MMD2: variants seen among roughly 807,000 people sequenced by gnomAD.
The protein encoded by MMD2 is monocyte to macrophage differentiation associated 2, also known as monocyte to macrophage differentiation factor 2.
Under a neutral mutation model 33.5 loss-of-function variants are expected in MMD2, and 30 were observed. The observed-to-expected ratio is 0.90, with a 90% CI of 0.67 to 1.22. MMD2 has a LOEUF of 1.22. Among genes scored for constraint, MMD2 ranks in the 50% most tolerant of loss-of-function variants. The pLI, the probability that MMD2 is intolerant of heterozygous loss-of-function variation, is 0.00. For synonymous variants in MMD2, 129 were observed against 123.0 expected, an observed-to-expected ratio of 1.05 and a Z score of -0.32; for missense variants, 364 against 325.4, an observed-to-expected ratio of 1.12 and a Z score of -0.91.
chr7:4,920,532 C>T (rs747831038), intron 2 of MMD2, among the ~76,000 whole-genome samples: 6 of 151,984 alleles, frequency 3.9e-5, no homozygotes, highest in Non-Finnish European at 8.8e-5. Context: ...TTCCCTCCCT[C>T]CCTCTCTCCT....
chr7:4,933,921 CTG>C (rs1411023875), intron 1 of MMD2, among the ~76,000 whole-genome samples: 1 of 148,690 alleles, frequency 6.7e-6, no homozygotes, highest in African/African-American at 2.5e-5. Flanking sequence ...GCATGAGACA[CTG>C]TGCCCGGCCA....
chr7:4,931,553 A>G (rs1785587718), intron 1 of MMD2, among the ~76,000 whole-genome samples: 1 of 151,956 alleles, frequency 6.6e-6, no homozygotes, highest in Non-Finnish European at 1.5e-5. Context: ...CCTGGGCTCC[A>G]CGGATCCTCC....
rs561176751 is a variant in MMD2, at chr7:4,939,337, A to G, written c.48-13805T>C. Among the ~76,000 whole-genome samples the G allele has an allele frequency of 1.1e-4, 17 of 152,236 alleles. No homozygotes were observed. In the South Asian group the frequency reaches 3.5e-3, roughly 32 times the overall value. On this transcript the variant is annotated intron_variant, in intron 1 of 6. Coordinates refer to ENST00000401401, the MANE Select transcript of MMD2 (RefSeq NM_198403.4). ...GAGGACTGCTTGAGGCCAGGAGTTCAAGACACGCCTGGGCAACATAGCAAG... is the reference window on the plus strand; with the variant it reads ...GAGGACTGCTTGAGGCCAGGAGTTCGAGACACGCCTGGGCAACATAGCAAG...
chr7:4,921,454 A>G (rs1785282144), intron 2 of MMD2, among the ~76,000 whole-genome samples: 1 of 151,888 alleles, frequency 6.6e-6, no homozygotes, highest in African/African-American at 2.4e-5. Flanking sequence ...CCCCGTCTCA[A>G]CTGAAAAATA....
At chr7:4,895,167 C>T in the MMD2 span, among the ~76,000 whole-genome samples, 1 of 151,554 alleles carries the variant, frequency 6.6e-6, no homozygotes, top group Non-Finnish European at 1.5e-5. Context: ...AACCTCCGCT[C>T]CCAGGTTCAG....
In MMD2 at chr7:4,939,745, T is replaced by TC. The variant is rs201501836; in HGVS notation, c.48-14214_48-14213insG. Among the ~76,000 whole-genome samples the TC allele has an allele frequency of 3.1e-3, 389 of 126,892 alleles. 2 individuals are homozygous for TC. Among genetic ancestry groups the TC allele is most frequent in the South Asian group, 9.6e-3 (39 of 4,048 alleles). 83.2% of individuals were successfully genotyped at this position (126,892 alleles called of 152,430 possible). ...CAATCTATTTCTTTCTTTCTTTCTT[T>TC]TTTTTTTTTTTTTGAGATGGAGTCC... On this transcript the variant is annotated intron_variant, in intron 1 of 6. Coordinates refer to ENST00000401401, the MANE Select transcript of MMD2 (RefSeq NM_198403.4).
chr7:4,931,927 C>G (rs932799909), intron 1 of MMD2, among the ~76,000 whole-genome samples: 5 of 152,178 alleles, frequency 3.3e-5, no homozygotes, highest in African/African-American at 9.7e-5. Context: ...CCAATTTACG[C>G]TTCCCACCAA....
intron 1 of MMD2, among the ~76,000 whole-genome samples, chr7:4,942,796 T>C (rs1005961972): frequency 6.6e-6 from 1 of 151,016 alleles, no homozygotes; most frequent in Non-Finnish European, 1.5e-5. Context: ...GTTTGTTTTT[T>C]AGTAGAGACA....
At chr7:4,951,389 G>A (rs908424566) in intron 1 of MMD2, among the ~76,000 whole-genome samples, 3 of 151,862 alleles carry the variant, frequency 2.0e-5, no homozygotes, top group Admixed American at 6.6e-5. Context: ...TCCTCTCCAC[G>A]CCCAGCCTGT....
At chr7:4,953,918 G>A (rs2115165023) in intron 1 of MMD2, among the ~76,000 whole-genome samples, 1 of 152,250 alleles carries the variant, frequency 6.6e-6, no homozygotes, top group South Asian at 2.1e-4. Context: ...GAGTGCAGTG[G>A]CACGATCATA....
intron 1 of MMD2, among the ~76,000 whole-genome samples, chr7:4,926,699 G>C (rs1424123587): frequency 6.6e-6 from 1 of 152,052 alleles, no homozygotes; most frequent in Non-Finnish European, 1.5e-5. Flanking sequence ...ATTTTTGCGA[G>C]ATTCATCCAC....
Position 4,906,128 on chromosome 7 carries a change from C to T in MMD2, c.*1268G>A, listed in dbSNP as rs1472264246. ...TGCCCACTCCACCCTGGTTGGGAGT[C>T]GCAGAATGAGGACCTCCTGACTTGA... is the stretch of plus-strand genomic sequence containing the variant. On this transcript the variant is annotated 3_prime_UTR_variant, in exon 7 of 7. Coordinates refer to ENST00000401401, the MANE Select transcript of MMD2 (RefSeq NM_198403.4). The T allele has an allele frequency of 1.0e-5, 2 of 190,892 alleles. No individual in the cohort carries two copies. The highest frequency in any genetic ancestry group is 2.1e-5 in the Non-Finnish European group (2 of 93,626). The allele number at this position is 190,892 out of a possible 1,614,324, so 11.8% of individuals were successfully genotyped here. A position where few individuals can be genotyped will look rare whatever the true frequency, so the allele number is the denominator to read the frequency against.
intron 3 of MMD2, 23 bp from the exon 4 acceptor site, chr7:4,916,102 A>G: frequency 6.2e-7 from 1 of 1,611,734 alleles, no homozygotes; most frequent in South Asian, 1.1e-5. Flanking sequence ...AGAAGCCGGC[A>G]GTCACAGCCC....
chr7:4,950,718 T>G (rs1786218633), intron 1 of MMD2, among the ~76,000 whole-genome samples: 1 of 151,660 alleles, frequency 6.6e-6, no homozygotes, highest in Non-Finnish European at 1.5e-5. Context: ...CCTTCTTTTT[T>G]TTTTTTTTTT....
At chr7:4,922,946 C>A (rs1284644576) in intron 2 of MMD2, among the ~76,000 whole-genome samples, 1 of 152,166 alleles carries the variant, frequency 6.6e-6, no homozygotes, top group Non-Finnish European at 1.5e-5. Context: ...CAGCAGGGGC[C>A]TGGTACCTGT....
intron 1 of MMD2, among the ~76,000 whole-genome samples, chr7:4,942,801 G>C (rs1380090952): frequency 6.6e-6 from 1 of 151,288 alleles, no homozygotes; most frequent in Non-Finnish European, 1.5e-5. Context: ...TTTTTTAGTA[G>C]AGACAGGGTT....
the MMD2 span, among the ~76,000 whole-genome samples, chr7:4,899,224 A>G: frequency 6.6e-6 from 1 of 152,122 alleles, no homozygotes; most frequent in African/African-American, 2.4e-5. Context: ...CAGAACCGTG[A>G]GAAATAAATT....
At position 4,906,388 on chromosome 7, in the gene MMD2, C is replaced by T. The variant is rs1467502083; in HGVS notation, c.*1008G>A. On this transcript the variant is annotated 3_prime_UTR_variant, in exon 7 of 7. Coordinates refer to ENST00000401401, the MANE Select transcript of MMD2 (RefSeq NM_198403.4). ...CCATGTGCCTTCTGTTTGGGGTACA[C>T]CTGAGTAGCCTCTAACAGCCACTGA... is the stretch of plus-strand genomic sequence containing the variant. The T allele has an allele frequency of 1.5e-5, 6 of 397,880 alleles. No individual in the cohort carries two copies. The highest frequency in any genetic ancestry group is 2.2e-5 in the Non-Finnish European group (5 of 225,814). 24.6% of individuals were successfully genotyped at this position (397,880 alleles called of 1,614,324 possible).
At position 4,959,135 on chromosome 7, in the gene MMD2, C is replaced by T. The variant is rs951527746; in HGVS notation, c.-118G>A. ...GGCGCGCGGCGGGGGCCAAGGGGACCTGGTCGGCGCCCGGAGCCGGAGCCG... is the reference window on the plus strand; with the variant it reads ...GGCGCGCGGCGGGGGCCAAGGGGACTTGGTCGGCGCCCGGAGCCGGAGCCG... On this transcript the variant is annotated 5_prime_UTR_variant, in exon 1 of 7. Coordinates refer to ENST00000401401, the MANE Select transcript of MMD2 (RefSeq NM_198403.4). 1.3e-6 allele frequency: 1 copy of T among 780,804 alleles called. No homozygotes were observed. The highest frequency in any genetic ancestry group is 1.9e-5 in the African/African-American group (1 of 53,982). The allele number at this position is 780,804 out of a possible 1,614,324, so 48.4% of individuals were successfully genotyped here. A position where few individuals can be genotyped will look rare whatever the true frequency, so the allele number is the denominator to read the frequency against.
Sources: allele counts gnomAD v4.1 joint callset (sites outside exome capture counted in the v4.1 genomes callset), GRCh38; gene constraint gnomAD v4.1.1; transcripts MANE v1.5; gene names NCBI Gene and HGNC (gene_info 2026-07-23, HGNC 2026-07-21).